Variants in HTR3B observed in about 807,000 individuals in gnomAD.
HTR3B encodes the protein 5-hydroxytryptamine (serotonin) receptor 3B, ionotropic.
A neutral mutation model predicts 42.8 loss-of-function variants in HTR3B; 44 were observed. The ratio of observed to expected loss-of-function variants is 1.03; its 90% CI spans 0.81 to 1.32. The LOEUF (loss-of-function observed/expected upper bound fraction) is 1.32, where lower values mean the gene tolerates loss of function less well. Among genes scored for constraint, HTR3B ranks in the 40% most tolerant of loss-of-function variants. HTR3B has a pLI of 0.00. For synonymous variants in HTR3B, 203 were observed against 209.0 expected, an observed-to-expected ratio of 0.97 and a Z score of 0.25; for missense variants, 527 against 536.5, an observed-to-expected ratio of 0.98 and a Z score of 0.17.
intron 2 of HTR3B, among the ~76,000 whole-genome samples, chr11:113,917,135 A>ATT (rs60959011): frequency 0.21 from 30,676 of 142,782 alleles, 3,203 homozygotes; most frequent in Middle Eastern, 0.33. Flanking sequence ...GAAATCTTCT[A>ATT]TTTTTTTTTT....
chr11:113,912,397 C>T lies in HTR3B; in HGVS notation c.213+2942C>T, dbSNP rs1176730. Among the ~76,000 whole-genome samples the T allele has an allele frequency of 6.4e-3, 979 of 152,262 alleles. 9 individuals carry two copies. Among genetic ancestry groups the T allele is most frequent in the African/African-American group, 0.023 (941 of 41,566 alleles). ...CAGCTGGGACTACAGGCGTGTGCCACGACGCCCAGCTAATTTTTTGTATTT... is the reference window on the plus strand; with the variant it reads ...CAGCTGGGACTACAGGCGTGTGCCATGACGCCCAGCTAATTTTTTGTATTT... On this transcript the variant is annotated intron_variant, in intron 2 of 8. Coordinates refer to ENST00000260191, the MANE Select transcript of HTR3B (RefSeq NM_006028.5).
chr11:113,938,140 T>G (rs1484429264), intron 6 of HTR3B, among the ~76,000 whole-genome samples: 1 of 152,136 alleles, frequency 6.6e-6, no homozygotes, highest in East Asian at 1.9e-4. Context: ...CAGTATGACC[T>G]CATCCTACTC....
chr11:113,920,808 G>T (rs966001210), intron 2 of HTR3B, among the ~76,000 whole-genome samples: 3 of 151,870 alleles, frequency 2.0e-5, no homozygotes, highest in Admixed American at 1.3e-4. Context: ...ATTCCTTCAA[G>T]TTTTTTATTT....
chr11:113,911,557 C>T (rs538243681), intron 2 of HTR3B, among the ~76,000 whole-genome samples: 1 of 150,134 alleles, frequency 6.7e-6, no homozygotes, highest in African/African-American at 2.5e-5. Context: ...GATGGAGTCT[C>T]ACTCTGTTGC....
chr11:113,939,543 G>A (rs534185149), intron 6 of HTR3B, among the ~76,000 whole-genome samples: 37 of 152,172 alleles, frequency 2.4e-4, no homozygotes, highest in African/African-American at 8.2e-4. Context: ...ATGATTTCTC[G>A]GGGAACACGT....
upstream of HTR3B, among the ~76,000 whole-genome samples, chr11:113,901,195 T>C (rs372785757): frequency 6.6e-6 from 1 of 152,102 alleles, no homozygotes; most frequent in East Asian, 1.9e-4. Flanking sequence ...TATTCCTAGC[T>C]ACTGGGGAGG....
At chr11:113,901,120 G>T (rs532325931), upstream of HTR3B, among the ~76,000 whole-genome samples, 1 of 152,070 alleles carries the variant, frequency 6.6e-6, no homozygotes, top group Non-Finnish European at 1.5e-5. Context: ...ACTGAAGGGT[G>T]GGGAGAGGAG....
intron 2 of HTR3B, among the ~76,000 whole-genome samples, chr11:113,921,924 G>C (rs976539090): frequency 2.0e-5 from 3 of 152,106 alleles, no homozygotes; most frequent in Non-Finnish European, 2.9e-5. Context: ...TTTTCTTACA[G>C]AAATCTGAAA....
rs191701522 is a variant in HTR3B, at chr11:113,944,629, G to A, written c.964G>A (p.Val322Met). ...GGTTCTCAGCTTAGCTAAGTCCATC[G>A]TGTTGGTCAAATTCCTCCATGATGA... ...FLVLSLAKSI[V>M]LVKFLHDEQR... Residue 322 changes from valine to methionine, a missense_variant, in exon 8 of 9, where the codon GTG (valine) becomes ATG (methionine). Val to Met is a conservative substitution (Grantham distance 21). Transcript: ENST00000260191. The A allele has an allele frequency of 1.2e-5, 19 of 1,614,144 alleles. No homozygotes were observed. Among genetic ancestry groups the A allele is most frequent in the African/African-American group, 4.0e-5 (3 of 75,038 alleles).
At chr11:113,932,184 A>T (rs1245364410) in intron 4 of HTR3B, 105 bp from the exon 5 acceptor site, 3 of 892,874 alleles carry the variant, frequency 3.4e-6, no homozygotes, top group Non-Finnish European at 5.3e-6. Flanking sequence ...TTGCAGGGCT[A>T]GGCTGGTCCT....
intron 6 of HTR3B, among the ~76,000 whole-genome samples, chr11:113,941,329 A>G (rs1794754150): frequency 6.6e-6 from 1 of 152,214 alleles, no homozygotes; most frequent in Non-Finnish European, 1.5e-5. Flanking sequence ...GGATGAGATG[A>G]CAGTCCAGGC....
intron 2 of HTR3B, among the ~76,000 whole-genome samples, chr11:113,916,542 T>C (rs1949856182): frequency 6.6e-6 from 1 of 152,222 alleles, no homozygotes; most frequent in African/African-American, 2.4e-5. Context: ...GTTGTTTGCA[T>C]TTCCATATAA....
chr11:113,920,079 G>T (rs937478385), intron 2 of HTR3B, among the ~76,000 whole-genome samples: 6 of 151,520 alleles, frequency 4.0e-5, no homozygotes, highest in African/African-American at 1.2e-4. Flanking sequence ...CCCAGGCTGG[G>T]GTGCAATGGC....
intron 6 of HTR3B, 83 bp from the exon 7 acceptor site, chr11:113,942,899 G>A: frequency 1.7e-6 from 2 of 1,153,298 alleles, no homozygotes; most frequent in Non-Finnish European, 2.6e-6. Flanking sequence ...GGTCTTCGGG[G>A]AGAATTCCTG....
rs1057472727 is a variant in HTR3B at position 113,946,549 on chromosome 11, C to T, written c.*412C>T. The T allele has an allele frequency of 1.3e-5, 2 of 155,860 alleles. No individual in the cohort carries two copies. Among genetic ancestry groups the T allele is most frequent in the Non-Finnish European group, 2.8e-5 (2 of 70,224 alleles). 9.7% of individuals were successfully genotyped at this position (155,860 alleles called of 1,614,324 possible). A position where few individuals can be genotyped will look rare whatever the true frequency, so the allele number is the denominator to read the frequency against. On this transcript the variant is annotated 3_prime_UTR_variant, in exon 9 of 9. Transcript: ENST00000260191. The stretch of plus-strand genomic sequence containing the variant: ...GTCTCAAAAAAAATAAAATAAAAGG[C>T]TTTCTGCCTTCATTGCCTCTCCATT...
Position 113,932,317 on chromosome 11 carries a change from C to T in HTR3B, c.397C>T (p.Pro133Ser), listed in dbSNP as rs1329330147. 4 of 1,613,348 alleles carry T rather than the reference C, an allele frequency of 2.5e-6. No homozygotes were observed. The highest frequency in any genetic ancestry group is 1.7e-5 in the Admixed American group (1 of 59,936). Residue 133 changes from proline (P) to serine (S), a missense_variant, in exon 5 of 9, where the codon CCC (proline) becomes TCC (serine). By Grantham distance (74) the Pro-to-Ser change is moderately conservative (BLOSUM62 -1). Transcript: ENST00000260191. ...GGACATTGAAAGATACCCTGACCTT[C>T]CCTATGTTTATGTGAACTCATCTGG... The part of the protein sequence containing the change: ...FVDIERYPDL[P>S]YVYVNSSGTI...
At chr11:113,904,778 A>G (rs866993074), upstream of HTR3B, 10 of 633,758 alleles carry the variant, frequency 1.6e-5, no homozygotes, top group Middle Eastern at 2.5e-3. Flanking sequence ...CTTTGGTCCC[A>G]CTGAGTGTTT....
At chr11:113,930,299 T>C (rs1484507659) in intron 2 of HTR3B, among the ~76,000 whole-genome samples, 2 of 152,096 alleles carry the variant, frequency 1.3e-5, no homozygotes, top group African/African-American at 4.8e-5. Flanking sequence ...CTTACTCCTA[T>C]GGTTTCTTTT....
chr11:113,941,499 C>G (rs1950134130), intron 6 of HTR3B, among the ~76,000 whole-genome samples: 3 of 152,174 alleles, frequency 2.0e-5, no homozygotes, highest in Admixed American at 2.0e-4. Context: ...AAATTCCAAG[C>G]TACAAGAGCA....
Sources: gnomAD v4.1 joint callset for allele counts (sites outside exome capture counted in the v4.1 genomes callset) on GRCh38, gnomAD v4.1.1 for gene constraint, MANE v1.5 for transcripts, NCBI Gene and HGNC (gene_info 2026-07-23, HGNC 2026-07-21) for gene names.